Variants in TIAM1 observed in about 807,000 individuals in gnomAD.
The protein encoded by TIAM1 is TIAM Rac1 associated GEF 1, also known as rho guanine nucleotide exchange factor TIAM1.
Under a neutral mutation model 163.5 loss-of-function variants are expected in TIAM1, and 65 were observed. The observed-to-expected ratio is 0.40, with a 90% confidence interval of 0.33 to 0.49. TIAM1 has a LOEUF of 0.49. Among genes scored for constraint, TIAM1 ranks in the 20% least tolerant of loss-of-function variants. The pLI is 0.77. For missense variants in TIAM1, 1,789 were observed against 2,044.7 expected (o/e 0.87, Z 2.41); for synonymous variants, 833 against 810.1 (o/e 1.03, Z -0.48).
At chr21:31,170,396 A>T (rs1001852546) in intron 15 of TIAM1, among the ~76,000 whole-genome samples, 2 of 152,208 alleles carry the variant, frequency 1.3e-5, no homozygotes, top group African/African-American at 4.8e-5. Flanking sequence ...AGTAGGCCAC[A>T]TATTAGGCCA....
In TIAM1 at chr21:31,120,311, G is replaced by T; in HGVS notation, c.*57C>A. 6.7e-7 allele frequency: 1 copy of T among 1,498,696 alleles called. No homozygotes were observed. The highest frequency in any genetic ancestry group is 9.0e-7 in the Non-Finnish European group (1 of 1,108,850). The allele number at this position is 1,498,696 out of a possible 1,614,324, so 92.8% of individuals were successfully genotyped here. Reference sequence around the variant, plus strand: ...ATTCTTGTCGACGGTACAGGAGGGTGGGCAGAGTTAGGGCAGGAAGTATCT... The same window carrying T: ...ATTCTTGTCGACGGTACAGGAGGGTTGGCAGAGTTAGGGCAGGAAGTATCT... On this transcript the variant is annotated 3_prime_UTR_variant, in exon 28 of 28. Transcript: ENST00000541036. This position sits in a 1 kb window ranked among gnomAD's most constrained non-coding sequence, Gnocchi z 4.2.
At chr21:31,263,029 T>A (rs2072563959) in intron 4 of TIAM1, among the ~76,000 whole-genome samples, 1 of 152,172 alleles carries the variant, frequency 6.6e-6, no homozygotes, top group African/African-American at 2.4e-5. Context: ...TGGAACATAG[T>A]GGGCTCTCAA....
rs941493701 is a variant in TIAM1, at chr21:31,127,126, T to C, written c.4072A>G (p.Ile1358Val). The C allele has an allele frequency of 9.3e-6, 15 of 1,613,904 alleles. No homozygotes were observed. The highest frequency in any genetic ancestry group is 1.3e-5 in the Non-Finnish European group (15 of 1,179,880). Residue 1358 changes from isoleucine to valine, a missense_variant, in exon 26 of 28, where the codon ATT (isoleucine) becomes GTT (valine). Ile to Val is a conservative substitution (Grantham distance 29, BLOSUM62 3). Around this residue, in one of 5 missense-constraint regions of TIAM1, gnomAD observed 415 missense variants for 439.2 expected, o/e 0.94. Coordinates refer to ENST00000541036, the MANE Select transcript of TIAM1 (RefSeq NM_001353694.2). ...TCAGACTCGGATTTTACATGGACAA[T>C]TTCACACACGGCATTTGCCTCTGCA... Reference protein sequence around the residue: ...ADAEANAVCEIVHVKSESEGR... With the variant: ...ADAEANAVCEVVHVKSESEGR...
Position 31,251,895 on chromosome 21 carries a change from G to A in TIAM1, c.1258C>T (p.Pro420Ser). Residue 420 changes from proline (P) to serine (S), a missense_variant, in exon 5 of 28, where the codon CCG (proline) becomes TCG (serine). Around this residue, in one of 5 missense-constraint regions of TIAM1, gnomAD observed 555 missense variants for 564.9 expected, o/e 0.98. Coordinates refer to ENST00000541036, the MANE Select transcript of TIAM1 (RefSeq NM_001353694.2). ...GTCAGCAGGATGTCCGACTGGCCCG[G>A]AGAGCTCAGGGTGCCGCTGCTCTGC... ...DEQSSGTLSSPGQSDILLTAA... is the reference protein window; with the variant it reads ...DEQSSGTLSSSGQSDILLTAA... The A allele has an allele frequency of 6.2e-7, 1 of 1,613,844 alleles. No individual in the cohort carries two copies. Among genetic ancestry groups the A allele is most frequent in the South Asian group, 1.1e-5 (1 of 91,056 alleles).
At position 31,124,682 on chromosome 21, in the gene TIAM1, G is replaced by C. The variant is rs2082125775; in HGVS notation, c.4146C>G (p.Ser1382Arg). The C allele has an allele frequency of 1.3e-6, 2 of 1,580,074 alleles. No homozygotes were observed. The highest frequency in any genetic ancestry group is 2.3e-5 in the East Asian group (1 of 44,164). ...GCACAGCCTTTAGGAAATCCTTTCGGCTCTCTGGGGAGCTAGGAAAAGAAG... is the reference window on the plus strand; with the variant it reads ...GCACAGCCTTTAGGAAATCCTTTCGCCTCTCTGGGGAGCTAGGAAAAGAAG... ...VFHLCCSSPE[S>R]RKDFLKAVHS... is the part of the protein sequence containing the mutation. The change falls in exon 27 of 28, where the codon AGC becomes AGG. Residue 1382 changes from serine (S) to arginine (R), a missense_variant. Physicochemically the swap from Ser to Arg is moderately radical, Grantham distance 110 (BLOSUM62 -1). Transcript: ENST00000541036.
At chr21:31,181,732 C>T (rs891989938) in intron 15 of TIAM1, among the ~76,000 whole-genome samples, 1 of 116,484 alleles carries the variant, frequency 8.6e-6, no homozygotes, top group Non-Finnish European at 1.7e-5. Flanking sequence ...TATGTGATTC[C>T]CAGCACTTCT....
At position 31,440,037 on chromosome 21, in the gene TIAM1, G is replaced by A. The variant is rs954462132; in HGVS notation, c.-369+23946C>T. 6.6e-5 allele frequency among the ~76,000 whole-genome samples: 10 copies of A among 152,192 alleles called. No individual in the cohort carries two copies. The East Asian group carries it at 7.7e-4, about 12-fold the overall frequency. On this transcript the variant is annotated intron_variant, in intron 2 of 28. Coordinates refer to the TIAM1 transcript ENST00000286827. Reference sequence around the variant, plus strand: ...ACCTCTCTGTGTCTCAGTTTCCCTCGTTTGGTAAAACAGGGAAAAAATAGT... The same window carrying A: ...ACCTCTCTGTGTCTCAGTTTCCCTCATTTGGTAAAACAGGGAAAAAATAGT...
chr21:31,324,260 G>A (rs1188199450), intron 2 of TIAM1, among the ~76,000 whole-genome samples: 1 of 152,020 alleles, frequency 6.6e-6, no homozygotes, highest in African/African-American at 2.4e-5. Context: ...ATACTGTAAA[G>A]GAGAATCACT....
Position 31,141,621 on chromosome 21 carries a change from TGGGTGGCAGGAAGAGGGACAGGTAGGGGA to T in TIAM1, c.3476-146_3476-118del. ...CCTTTTTGCAGGACTGAGCAGAGAG[TGGGTGGCAGGAAGAGGGACAGGTAGGGGA>T]GGGGGCAGTCAGGGAGACCACAGGC... On this transcript the variant is annotated intron_variant, in intron 20 of 27. Coordinates refer to ENST00000541036, the MANE Select transcript of TIAM1 (RefSeq NM_001353694.2). This position sits in a 1 kb window ranked among gnomAD's most constrained non-coding sequence, Gnocchi z 4.7. 1 of 1,171,004 alleles carries T rather than the reference TGGGTGGCAGGAAGAGGGACAGGTAGGGGA, an allele frequency of 8.5e-7. No homozygotes were observed. Among genetic ancestry groups the T allele is most frequent in the Non-Finnish European group, 1.2e-6 (1 of 832,460 alleles). 72.5% of individuals were successfully genotyped at this position (1,171,004 alleles called of 1,614,324 possible).
intron 27 of TIAM1, among the ~76,000 whole-genome samples, chr21:31,122,835 C>A (rs910610410): frequency 6.6e-6 from 1 of 152,184 alleles, no homozygotes; most frequent in African/African-American, 2.4e-5. Context: ...TTATTGGGTT[C>A]TTCCCAGTCT....
chr21:31,508,641 C>T (rs1044618660), intron 1 of TIAM1, among the ~76,000 whole-genome samples: 8 of 152,132 alleles, frequency 5.3e-5, no homozygotes, highest in Non-Finnish European at 7.4e-5. Flanking sequence ...CTGCCCGCCT[C>T]TGCTTCCCAA....
At chr21:31,301,690 A>C (rs1332582219) in intron 2 of TIAM1, among the ~76,000 whole-genome samples, 1 of 152,028 alleles carries the variant, frequency 6.6e-6, no homozygotes, top group Non-Finnish European at 1.5e-5. Context: ...AAATATAAAA[A>C]TTAGCTGGGC....
chr21:31,546,950 C>G (rs9978741), intron 1 of TIAM1, among the ~76,000 whole-genome samples: 66,986 of 148,392 alleles, frequency 0.45, 15,918 homozygotes, highest in African/African-American at 0.63. Flanking sequence ...GGCTGTGCCC[C>G]AAAATAGTGG....
intron 2 of TIAM1, among the ~76,000 whole-genome samples, chr21:31,422,219 G>GA (rs1000222648): frequency 3.2e-4 from 48 of 152,016 alleles, no homozygotes; most frequent in African/African-American, 1.1e-3. Flanking sequence ...GTAAAGACAA[G>GA]AAAATCACAC....
chr21:31,311,688 T>C (rs1407051273), intron 2 of TIAM1, among the ~76,000 whole-genome samples: 1 of 152,186 alleles, frequency 6.6e-6, no homozygotes, highest in Admixed American at 6.5e-5. Flanking sequence ...TGAGCAGTGA[T>C]TGAGAATTTA....
In TIAM1 at chr21:31,395,979, C is replaced by A. The variant is rs1482767528; in HGVS notation, c.-368-56557G>T. ...TCAACAGGAACATGGCTTTTTTCCT[C>A]CGTAATGGCTGTGAAATTGATTGGG... On this transcript the variant is annotated intron_variant, in intron 2 of 28. Transcript: ENST00000286827. The surrounding 1 kb of genome is among the most constrained non-coding windows in gnomAD (Gnocchi z 7.5). Among the ~76,000 whole-genome samples the A allele has an allele frequency of 6.6e-6, 1 of 152,108 alleles. No homozygotes were observed. The highest frequency in any genetic ancestry group is 1.9e-4 in the East Asian group (1 of 5,186).
chr21:31,235,861 G>T (rs1481095423), intron 6 of TIAM1, among the ~76,000 whole-genome samples: 1 of 152,120 alleles, frequency 6.6e-6, no homozygotes, highest in African/African-American at 2.4e-5. Flanking sequence ...CCACAAGAAG[G>T]CATAAAATCT....
chr21:31,429,506 G>A (rs974080771), intron 2 of TIAM1, among the ~76,000 whole-genome samples: 3 of 152,170 alleles, frequency 2.0e-5, no homozygotes, highest in African/African-American at 7.2e-5. Flanking sequence ...ATACACCCCG[G>A]GGAGGCGGAG....
chr21:31,183,216 T>C (rs1214987327), intron 14 of TIAM1, among the ~76,000 whole-genome samples: 1 of 152,198 alleles, frequency 6.6e-6, no homozygotes, highest in Non-Finnish European at 1.5e-5. Flanking sequence ...TTTTGTTTTG[T>C]TTTCAAACTA....
Sources: allele counts gnomAD v4.1 joint callset (sites outside exome capture counted in the v4.1 genomes callset), GRCh38; gene constraint gnomAD v4.1.1; regional missense constraint gnomAD v4.1.1; non-coding constraint Gnocchi (gnomAD v3.1); transcripts MANE v1.5; gene names NCBI Gene and HGNC (gene_info 2026-07-23, HGNC 2026-07-21).